The following WNT2 variants were observed in gnomAD, a reference collection of about 807,000 sequenced individuals.
The protein encoded by WNT2 is Wnt family member 2, also known as protein Wnt-2.
WNT2 carries 12 observed loss-of-function variants against 36.9 expected under a neutral mutation model. The ratio of observed to expected loss-of-function variants is 0.33; its 90% confidence interval spans 0.21 to 0.53. WNT2 has a LOEUF of 0.53. Ranked by LOEUF, WNT2 falls within the 20% of genes least tolerant of loss-of-function variation. The probability of loss-of-function intolerance (pLI) is 0.95; values close to 1 mark genes in which losing one functional copy is unlikely to be tolerated. For missense variants in WNT2, 379 were observed against 473.1 expected, an observed-to-expected ratio of 0.80 and a Z score of 1.84; for synonymous variants, 163 against 174.6, an observed-to-expected ratio of 0.93 and a Z score of 0.52.
chr7:117,295,310 T>C (rs1230748130), intron 4 of WNT2, among the ~76,000 whole-genome samples: 1 of 152,130 alleles, frequency 6.6e-6, no homozygotes, highest in Non-Finnish European at 1.5e-5. Flanking sequence ...TCTGTGAGAG[T>C]CAATGAGAGA....
intron 3 of WNT2, among the ~76,000 whole-genome samples, chr7:117,301,981 G>A (rs1469937907): frequency 1.3e-5 from 2 of 151,492 alleles, no homozygotes; most frequent in Non-Finnish European, 2.9e-5. Context: ...CTATTTTTTT[G>A]TATTTTTAGT....
rs1794372983 is a variant in WNT2, at chr7:117,276,114, G to C, written c.*2041C>G. The stretch of plus-strand genomic sequence containing the variant: ...TGGTCCTATTTGTGATGGAGCATTG[G>C]GCAATGCCTGATATGTGCACCAATC... On this transcript the variant is annotated 3_prime_UTR_variant, in exon 5 of 5. Transcript: ENST00000265441. Among the ~76,000 whole-genome samples the C allele has an allele frequency of 6.6e-6, 1 of 152,248 alleles. No homozygotes were observed. The highest frequency in any genetic ancestry group is 6.5e-5 in the Admixed American group (1 of 15,298).
intron 3 of WNT2, among the ~76,000 whole-genome samples, chr7:117,311,234 T>G (rs1313705941): frequency 6.6e-6 from 1 of 152,176 alleles, no homozygotes; most frequent in Non-Finnish European, 1.5e-5. Context: ...TACACATTCA[T>G]TTTAGAAAAT....
At chr7:117,320,215 C>T (rs1169327928) in intron 2 of WNT2, among the ~76,000 whole-genome samples, 2 of 152,156 alleles carry the variant, frequency 1.3e-5, no homozygotes, top group Non-Finnish European at 2.9e-5. Context: ...GGAGGAAGCC[C>T]CAGAAAGCCA....
intron 3 of WNT2, among the ~76,000 whole-genome samples, chr7:117,313,663 C>A (rs1422005248): frequency 4.6e-5 from 7 of 152,198 alleles, no homozygotes; most frequent in Admixed American, 4.6e-4. Context: ...TTAAGCAGCA[C>A]ACTCCTATCA....
At chr7:117,306,466 A>AT (rs1305505690) in intron 3 of WNT2, among the ~76,000 whole-genome samples, 1 of 152,254 alleles carries the variant, frequency 6.6e-6, no homozygotes, top group Non-Finnish European at 1.5e-5. Flanking sequence ...CCTCTTGCTA[A>AT]TGTGGGATAC....
intron 3 of WNT2, among the ~76,000 whole-genome samples, chr7:117,311,636 A>T (rs1252512367): frequency 6.6e-6 from 1 of 152,224 alleles, no homozygotes; most frequent in East Asian, 1.9e-4. Flanking sequence ...ATAGAAGATG[A>T]CTCTATAGAT....
At chr7:117,288,507 G>A (rs1014701891) in intron 4 of WNT2, among the ~76,000 whole-genome samples, 5 of 152,164 alleles carry the variant, frequency 3.3e-5, no homozygotes, top group African/African-American at 1.2e-4. Flanking sequence ...AAGCTTAAAT[G>A]AAGTAAGCAA....
chr7:117,301,293 A>T lies in WNT2; in HGVS notation c.589-3417T>A, dbSNP rs149311597. On this transcript the variant is annotated intron_variant, in intron 3 of 4. Transcript: ENST00000265441. ...TCTCTTCTATGTACTGGGTTTGCAG[A>T]CTTGAAATTCAAACCCTTAACCTTG... is the stretch of plus-strand genomic sequence containing the variant. 4.2e-3 allele frequency among the ~76,000 whole-genome samples: 640 copies of T among 152,196 alleles called. 4 individuals are homozygous for T. Among genetic ancestry groups the T allele is most frequent in the African/African-American group, 0.014 (585 of 41,532 alleles).
chr7:117,280,625 C>T (rs1447597201), intron 4 of WNT2, among the ~76,000 whole-genome samples: 1 of 152,208 alleles, frequency 6.6e-6, no homozygotes. Context: ...AGAGCTTGGA[C>T]AATCAGCGTT....
chr7:117,311,404 A>G (rs1047167481), intron 3 of WNT2, among the ~76,000 whole-genome samples: 5 of 152,214 alleles, frequency 3.3e-5, no homozygotes, highest in African/African-American at 1.2e-4. Flanking sequence ...ATGGGAGAAC[A>G]GGAGCGGATG....
At position 117,276,932 on chromosome 7, in the gene WNT2, A is replaced by G. The variant is rs1407725218; in HGVS notation, c.*1223T>C. On this transcript the variant is annotated 3_prime_UTR_variant, in exon 5 of 5. Transcript: ENST00000265441. ...ATAATATAGCAGGGTTACCAACTTT[A>G]TAAGCAATGCTATGTGTCATTTGCT... 6.6e-6 allele frequency: 1 copy of G among 152,118 alleles called. No homozygotes were observed. Among genetic ancestry groups the G allele is most frequent in the East Asian group, 1.9e-4 (1 of 5,204 alleles). The allele number at this position is 152,118 out of a possible 1,614,324, so 9.4% of individuals were successfully genotyped here.
intron 4 of WNT2, among the ~76,000 whole-genome samples, chr7:117,293,919 T>C (rs1794739614): frequency 6.6e-6 from 1 of 152,098 alleles, no homozygotes; most frequent in Non-Finnish European, 1.5e-5. Flanking sequence ...GGTCTCAGAT[T>C]CTCTGTTACA....
intron 3 of WNT2, among the ~76,000 whole-genome samples, chr7:117,305,259 C>T (rs1287665013): frequency 6.6e-6 from 1 of 152,154 alleles, no homozygotes; most frequent in East Asian, 1.9e-4. Flanking sequence ...TGTTTATGGA[C>T]CTCCTTAAAC....
At chr7:117,305,868 C>T (rs1269630980) in intron 3 of WNT2, among the ~76,000 whole-genome samples, 1 of 152,206 alleles carries the variant, frequency 6.6e-6, no homozygotes, top group African/African-American at 2.4e-5. Flanking sequence ...ACTCTTACTC[C>T]AGAAAGCCTG....
At chr7:117,309,389 G>A (rs1274431820) in intron 3 of WNT2, among the ~76,000 whole-genome samples, 2 of 152,126 alleles carry the variant, frequency 1.3e-5, no homozygotes, top group Non-Finnish European at 2.9e-5. Flanking sequence ...ATCTTCGGTG[G>A]TGCTTGTTTG....
intron 4 of WNT2, among the ~76,000 whole-genome samples, chr7:117,278,667 T>G (rs1198581372): frequency 6.6e-6 from 1 of 152,212 alleles, no homozygotes; most frequent in African/African-American, 2.4e-5. Flanking sequence ...CACTTCTGAG[T>G]TGGATCGACT....
intron 4 of WNT2, among the ~76,000 whole-genome samples, chr7:117,295,922 C>T (rs745522068): frequency 1.7e-4 from 26 of 152,138 alleles, no homozygotes; most frequent in Admixed American, 3.9e-4. Flanking sequence ...TCAATTTTTT[C>T]TGGTTAGTAA....
At position 117,320,705 on chromosome 7, in the gene WNT2, G is replaced by T; in HGVS notation, c.172C>A (p.His58Asn). The change falls in exon 2 of 5, where the codon CAT becomes AAT. Residue 58 changes from histidine (H) to asparagine (N), a missense_variant. By Grantham distance (68) the His-to-Asn change is moderately conservative. Coordinates refer to ENST00000265441, the MANE Select transcript of WNT2 (RefSeq NM_003391.3). ...VSSQRQLCHRHPDVMRAISQG... is the reference protein window; with the variant it reads ...VSSQRQLCHRNPDVMRAISQG... ...CTAATGGCACGCATCACATCTGGATGTCGGTGACACAGCTGCCGCTGGCTG... is the reference window on the plus strand; with the variant it reads ...CTAATGGCACGCATCACATCTGGATTTCGGTGACACAGCTGCCGCTGGCTG... The T allele has an allele frequency of 6.2e-7, 1 of 1,614,026 alleles. No homozygotes were observed.
Sources: allele counts gnomAD v4.1 joint callset (sites outside exome capture counted in the v4.1 genomes callset), GRCh38; gene constraint gnomAD v4.1.1; transcripts MANE v1.5; gene names NCBI Gene and HGNC (gene_info 2026-07-23, HGNC 2026-07-21).